ZNF618: variants seen among roughly 807,000 people sequenced by gnomAD.
ZNF618 encodes the protein zinc finger protein 618.
ZNF618 carries 34 observed loss-of-function variants against 103.0 expected under a neutral mutation model. That is an observed-to-expected ratio of 0.33 (90% CI 0.25 to 0.44). The LOEUF (loss-of-function observed/expected upper bound fraction) is 0.44, where lower values mean the gene tolerates loss of function less well. Among genes scored for constraint, ZNF618 ranks in the 20% least tolerant of loss-of-function variants. The pLI is 1.00. For synonymous variants in ZNF618, 551 were observed against 542.2 expected (o/e 1.02, Z -0.23); for missense variants, 1,059 against 1,295.4 (o/e 0.82, Z 2.80).
At chr9:113,965,348 T>G (rs2132681171) in intron 1 of ZNF618, among the ~76,000 whole-genome samples, 1 of 152,062 alleles carries the variant, frequency 6.6e-6, no homozygotes, top group East Asian at 1.9e-4. Flanking sequence ...AAACCCTTAA[T>G]AAGAGAATGG....
intron 1 of ZNF618, among the ~76,000 whole-genome samples, chr9:113,960,976 C>T (rs1244069743): frequency 1.3e-5 from 2 of 152,188 alleles, no homozygotes; most frequent in Non-Finnish European, 2.9e-5. Flanking sequence ...TACAACCCAG[C>T]GAAGTTCACG....
chr9:114,048,986 T>C lies in ZNF618; in HGVS notation c.1684T>C (p.Ser562Pro). The change falls in exon 15 of 15, where the codon TCC becomes CCC. Residue 562 changes from serine (S) to proline (P), a missense_variant. Ser to Pro is a moderately conservative substitution (Grantham distance 74). Transcript: ENST00000374126. Reference sequence around the variant, plus strand: ...CCACTCCCAGAGTGTTGGCCCTGACTCCTGCTACATCCTCACAGCCTACCA... The same window carrying C: ...CCACTCCCAGAGTGTTGGCCCTGACCCCTGCTACATCCTCACAGCCTACCA... ...TCHSQSVGPD[S>P]CYILTAYQAE... 1 of 1,613,286 alleles carries C rather than the reference T, an allele frequency of 6.2e-7. No individual in the cohort carries two copies. Among genetic ancestry groups the C allele is most frequent in the East Asian group, 2.2e-5 (1 of 44,862 alleles).
chr9:113,950,304 T>C (rs1475095068), intron 1 of ZNF618, among the ~76,000 whole-genome samples: 1 of 152,204 alleles, frequency 6.6e-6, no homozygotes, highest in African/African-American at 2.4e-5. Flanking sequence ...CCTCTGTCCT[T>C]CTCTGGGTTC....
At chr9:114,034,011 G>A (rs531770866) in intron 12 of ZNF618, among the ~76,000 whole-genome samples, 50 of 152,266 alleles carry the variant, frequency 3.3e-4, no homozygotes, top group Middle Eastern at 6.8e-3. Flanking sequence ...CTTACTAGCT[G>A]GTGACTTAGG....
At chr9:113,932,528 A>C (rs1186006045) in intron 1 of ZNF618, among the ~76,000 whole-genome samples, 1 of 152,212 alleles carries the variant, frequency 6.6e-6, no homozygotes, top group Non-Finnish European at 1.5e-5. Flanking sequence ...GAGGGAGCCC[A>C]GGTGAAATGT....
At chr9:113,903,620 C>CT (rs1397071965) in intron 1 of ZNF618, among the ~76,000 whole-genome samples, 16 of 152,244 alleles carry the variant, frequency 1.1e-4, no homozygotes, top group African/African-American at 3.9e-4. Context: ...AGGTCTGCTG[C>CT]TGATGAATTC....
At chr9:113,904,862 A>G (rs952680617) in intron 1 of ZNF618, among the ~76,000 whole-genome samples, 1 of 151,906 alleles carries the variant, frequency 6.6e-6, no homozygotes, top group Admixed American at 6.6e-5. Flanking sequence ...TCCCTCTTCC[A>G]CTTAGAAGGA....
At chr9:113,994,915 C>T (rs988995808) in intron 3 of ZNF618, among the ~76,000 whole-genome samples, 5 of 150,710 alleles carry the variant, frequency 3.3e-5, no homozygotes, top group African/African-American at 7.3e-5. Flanking sequence ...GATATAATTT[C>T]CAGGATATTG....
intron 1 of ZNF618, among the ~76,000 whole-genome samples, chr9:113,922,096 A>C (rs1056682269): frequency 1.3e-5 from 2 of 152,254 alleles, no homozygotes; most frequent in Admixed American, 1.3e-4. Context: ...TACATAACTT[A>C]AAAGCTTGTT....
chr9:113,964,998 GA>G (rs372943322), intron 1 of ZNF618, among the ~76,000 whole-genome samples: 2,284 of 108,196 alleles, frequency 0.021, 34 homozygotes, highest in Non-Finnish European at 0.03. Flanking sequence ...GCTTCATTCT[GA>G]AAAAAAAAAA....
At chr9:113,888,937 A>AG (rs1226342563) in intron 1 of ZNF618, among the ~76,000 whole-genome samples, 1 of 152,168 alleles carries the variant, frequency 6.6e-6, no homozygotes, top group Non-Finnish European at 1.5e-5. Context: ...GAGATTTACA[A>AG]GGTAAGGTCT....
intron 13 of ZNF618, among the ~76,000 whole-genome samples, chr9:114,043,142 A>G (rs1488425655): frequency 1.3e-5 from 2 of 152,238 alleles, no homozygotes; most frequent in Non-Finnish European, 2.9e-5. Context: ...ATGGTCATTT[A>G]GATCTCCAGT....
chr9:114,005,532 G>A (rs541142086), intron 6 of ZNF618, among the ~76,000 whole-genome samples: 1 of 152,298 alleles, frequency 6.6e-6, no homozygotes, highest in East Asian at 1.9e-4. Context: ...AGCTGGCCAG[G>A]GAGGCTGGGT....
At chr9:113,950,428 C>T (rs1835453406) in intron 1 of ZNF618, among the ~76,000 whole-genome samples, 1 of 152,186 alleles carries the variant, frequency 6.6e-6, no homozygotes, top group Non-Finnish European at 1.5e-5. Flanking sequence ...CTGGCTCTTG[C>T]TAGCACTCCA....
intron 1 of ZNF618, among the ~76,000 whole-genome samples, chr9:113,882,386 A>T (rs1828608967): frequency 6.6e-6 from 1 of 152,128 alleles, no homozygotes; most frequent in South Asian, 2.1e-4. Flanking sequence ...TTGTTTTAGG[A>T]TTAAATGAAG....
At chr9:113,894,917 A>G (rs1368015065) in intron 1 of ZNF618, among the ~76,000 whole-genome samples, 2 of 152,086 alleles carry the variant, frequency 1.3e-5, no homozygotes, top group Admixed American at 1.3e-4. Context: ...CATCTTTTAC[A>G]ATATTGTACT....
intron 2 of ZNF618, among the ~76,000 whole-genome samples, chr9:113,983,448 G>A (rs1839156372): frequency 1.3e-5 from 2 of 152,204 alleles, no homozygotes; most frequent in African/African-American, 4.8e-5. Context: ...GGACTCGGGG[G>A]CATCACGTTT....
intron 1 of ZNF618, among the ~76,000 whole-genome samples, chr9:113,885,605 C>T (rs891979582): frequency 6.6e-6 from 1 of 152,186 alleles, no homozygotes; most frequent in Non-Finnish European, 1.5e-5. Context: ...CATCCTGTTT[C>T]AATCATGTAT....
At chr9:114,016,822 A>T (rs774324278) in intron 10 of ZNF618, 38 bp downstream of exon 10, 4 of 1,557,058 alleles carry the variant, frequency 2.6e-6, no homozygotes, top group Non-Finnish European at 3.5e-6. Flanking sequence ...GGGTTGGGGG[A>T]CCCGGGACAG....
Sources: allele counts gnomAD v4.1 joint callset (sites outside exome capture counted in the v4.1 genomes callset), GRCh38; gene constraint gnomAD v4.1.1; transcripts MANE v1.5; gene names NCBI Gene and HGNC (gene_info 2026-07-23, HGNC 2026-07-21).